Variants in VPS13C observed in about 807,000 individuals in gnomAD.
The protein encoded by VPS13C is intermembrane lipid transfer protein VPS13C.
Under a neutral mutation model 456.8 loss-of-function variants are expected in VPS13C, and 358 were observed. That is an observed-to-expected ratio of 0.78 (90% confidence interval 0.72 to 0.86). The LOEUF (loss-of-function observed/expected upper bound fraction) is 0.86, where lower values mean the gene tolerates loss of function less well. Ranked by LOEUF, VPS13C falls within the 40% of genes least tolerant of loss-of-function variation. The probability of loss-of-function intolerance (pLI) is 0.00; values close to 1 mark genes in which losing one functional copy is unlikely to be tolerated. For missense variants in VPS13C, 4,818 were observed against 4,385.4 expected, an observed-to-expected ratio of 1.10 and a Z score of -2.79; for synonymous variants, 1,578 against 1,486.7, an observed-to-expected ratio of 1.06 and a Z score of -1.41.
At chr15:61,860,183 C>T (rs1271500744) in intron 82 of VPS13C, among the ~76,000 whole-genome samples, 2 of 151,942 alleles carry the variant, frequency 1.3e-5, no homozygotes, top group South Asian at 4.1e-4. Flanking sequence ...AGAATATGAA[C>T]AAGTAATTCA....
At position 61,964,735 on chromosome 15, in the gene VPS13C, T is replaced by C. The variant is rs1376325212; in HGVS notation, c.3178A>G (p.Thr1060Ala). The C allele has an allele frequency of 6.2e-7, 1 of 1,607,872 alleles. No homozygotes were observed. Among genetic ancestry groups the C allele is most frequent in the Non-Finnish European group, 8.5e-7 (1 of 1,177,814 alleles). The change falls in exon 31 of 85, where the codon ACT becomes GCT. Residue 1060 changes from threonine (T) to alanine (A), a missense_variant. Physicochemically the swap from Thr to Ala is moderately conservative, Grantham distance 58 (BLOSUM62 0). This residue lies in a region of VPS13C where 4,552 missense variants were observed against 4,130.6 expected (regional missense o/e 1.10). Transcript: ENST00000644861. ...ISVAKEVQIS[T>A]EKQQKNSTLP... ...GTTGAATTTTTTTGTTGTTTTTCAG[T>C]TGAAATTTGTACCTCCTTAGCAACA...
chr15:61,973,600 G>T, intron 25 of VPS13C, 68 bp from the exon 26 acceptor site: 3 of 1,172,812 alleles, frequency 2.6e-6, no homozygotes, highest in Non-Finnish European at 2.5e-6. Flanking sequence ...ATAAATGAGA[G>T]GAAGACTAAA....
At chr15:61,860,349 GGAGA>G (rs1319538823) in intron 82 of VPS13C, among the ~76,000 whole-genome samples, 7 of 152,008 alleles carry the variant, frequency 4.6e-5, no homozygotes, top group African/African-American at 1.7e-4. Flanking sequence ...GCAAAACACA[GGAGA>G]AAGAACACTT....
chr15:61,985,151 ATTC>A (rs1240312428), intron 18 of VPS13C, 152 bp from the exon 19 acceptor site: 1 of 554,516 alleles, frequency 1.8e-6, no homozygotes. Flanking sequence ...TAAAGGAAAA[ATTC>A]TTCATTTACA....
intron 46 of VPS13C, among the ~76,000 whole-genome samples, chr15:61,941,201 AG>A (rs911282505): frequency 6.6e-6 from 1 of 152,178 alleles, no homozygotes; most frequent in Non-Finnish European, 1.5e-5. Flanking sequence ...TCCAGACTCA[AG>A]GGGGAAACTC....
chr15:61,917,293 A>T (rs772621115), intron 60 of VPS13C, 48 bp downstream of exon 60: 23 of 1,571,340 alleles, frequency 1.5e-5, no homozygotes, highest in Non-Finnish European at 1.8e-5. Flanking sequence ...CAAAATCAGA[A>T]TTTACTCTGT....
At chr15:61,947,162 G>A (rs749954160) in intron 43 of VPS13C, 31 bp downstream of exon 43, 2 of 1,393,980 alleles carry the variant, frequency 1.4e-6, no homozygotes, top group Admixed American at 4.6e-5. Flanking sequence ...TAAAGAAACA[G>A]AAATACCTAC....
rs1596319257 is a variant in VPS13C, at chr15:61,909,132, T to TA, written c.8845-8dup. 6.3e-7 allele frequency: 1 copy of TA among 1,578,974 alleles called. No homozygotes were observed. Among genetic ancestry groups the TA allele is most frequent in the South Asian group, 1.1e-5 (1 of 88,862 alleles). On this transcript the variant is annotated splice_polypyrimidine_tract_variant and splice_region_variant and intron_variant, in intron 64 of 84. Coordinates refer to ENST00000644861, the MANE Select transcript of VPS13C (RefSeq NM_020821.3). ...CCACCAAGATACCCCCATTCTATTG[T>TA]AGAAAAAAAAAAAGTATGTTTGATG...
chr15:61,939,078 C>A (rs2044327143), intron 47 of VPS13C, among the ~76,000 whole-genome samples: 1 of 152,156 alleles, frequency 6.6e-6, no homozygotes, highest in African/African-American at 2.4e-5. Flanking sequence ...ATCTGCTTTA[C>A]AACATCCATT....
intron 23 of VPS13C, 45 bp downstream of exon 23, chr15:61,978,581 T>A (rs752788302): frequency 6.3e-7 from 1 of 1,591,860 alleles, no homozygotes; most frequent in Non-Finnish European, 8.5e-7. Context: ...TTACACAAAC[T>A]ACCCATCATA....
intron 9 of VPS13C, among the ~76,000 whole-genome samples, chr15:62,017,385 C>T (rs536548946): frequency 1.3e-5 from 2 of 152,132 alleles, no homozygotes; most frequent in East Asian, 1.9e-4. Context: ...AATGGTATTG[C>T]CTAGGTTTTC....
intron 45 of VPS13C, among the ~76,000 whole-genome samples, 200 bp downstream of exon 45, chr15:61,945,515 C>A (rs1443661098): frequency 6.6e-6 from 1 of 152,154 alleles, no homozygotes; most frequent in African/African-American, 2.4e-5. Context: ...GAATTACAGT[C>A]TATATCTTCA....
intron 66 of VPS13C, among the ~76,000 whole-genome samples, chr15:61,897,371 G>A (rs1282430321): frequency 1.3e-5 from 2 of 152,140 alleles, no homozygotes; most frequent in African/African-American, 4.8e-5. Context: ...TTAGAAGAAT[G>A]TATAACTAGA....
intron 8 of VPS13C, among the ~76,000 whole-genome samples, chr15:62,021,147 G>C (rs912710355): frequency 1.3e-5 from 2 of 151,876 alleles, no homozygotes; most frequent in Non-Finnish European, 2.9e-5. Context: ...AAAGGGTAGG[G>C]TGGGTGAGAA....
intron 35 of VPS13C, among the ~76,000 whole-genome samples, chr15:61,961,287 G>A (rs2045191077): frequency 1.3e-5 from 2 of 151,640 alleles, no homozygotes; most frequent in Admixed American, 1.3e-4. Flanking sequence ...AGCTACTCGG[G>A]AGGCTGAGGC....
intron 47 of VPS13C, among the ~76,000 whole-genome samples, chr15:61,939,258 C>G (rs1396985751): frequency 6.6e-6 from 1 of 152,140 alleles, no homozygotes; most frequent in Admixed American, 6.5e-5. Context: ...TGGGATCTAA[C>G]CTCTTGGCAG....
At chr15:62,000,130 G>A (rs1158067141) in intron 16 of VPS13C, among the ~76,000 whole-genome samples, 1 of 152,114 alleles carries the variant, frequency 6.6e-6, no homozygotes, top group Non-Finnish European at 1.5e-5. Context: ...GAGAGGCCGA[G>A]GTGAGTGGAT....
intron 1 of VPS13C, among the ~76,000 whole-genome samples, chr15:62,055,233 C>T (rs1157319883): frequency 1.3e-5 from 2 of 148,920 alleles, no homozygotes; most frequent in African/African-American, 2.6e-5. Flanking sequence ...ACCTTCTCAA[C>T]CTTTTTTTTT....
rs1330613370 is a variant in VPS13C, at chr15:61,858,450, C to A, written c.10953-2041G>T. 6.6e-6 allele frequency among the ~76,000 whole-genome samples: 1 copy of A among 152,114 alleles called. No homozygotes were observed. The highest frequency in any genetic ancestry group is 1.9e-4 in the East Asian group (1 of 5,182). On this transcript the variant is annotated intron_variant, in intron 82 of 84. Coordinates refer to ENST00000644861, the MANE Select transcript of VPS13C (RefSeq NM_020821.3). This position sits in a 1 kb window ranked among gnomAD's most constrained non-coding sequence, Gnocchi z 4.4. ...CCAAGCCTTGTCTCATAAGTCAAAT[C>A]CTCATTCTTTAGGCCCTCCCCACTT...
Sources: allele counts gnomAD v4.1 joint callset (sites outside exome capture counted in the v4.1 genomes callset), GRCh38; gene constraint gnomAD v4.1.1; regional missense constraint gnomAD v4.1.1; non-coding constraint Gnocchi (gnomAD v3.1); transcripts MANE v1.5; gene names NCBI Gene and HGNC (gene_info 2026-07-23, HGNC 2026-07-21).